ZNF462: variants seen among roughly 807,000 people sequenced by gnomAD.
The protein encoded by ZNF462 is zinc finger protein 462, also known as zinc finger PBX1-interacting protein.
ZNF462 carries 10 observed loss-of-function variants against 201.9 expected under a neutral mutation model. The observed-to-expected ratio is 0.05, with a 90% confidence interval of 0.03 to 0.08. The LOEUF (loss-of-function observed/expected upper bound fraction) is 0.08. ZNF462 is among the 10% of genes least tolerant of loss of function. The probability of loss-of-function intolerance (pLI) is 1.00; values close to 1 mark genes in which losing one functional copy is unlikely to be tolerated. For synonymous variants in ZNF462, 1,227 were observed against 1,193.3 expected (o/e 1.03, Z -0.58); for missense variants, 2,523 against 3,168.3 (o/e 0.80, Z 4.89).
At chr9:106,987,944 T>C (rs1436996403) in intron 10 of ZNF462, among the ~76,000 whole-genome samples, 2 of 152,188 alleles carry the variant, frequency 1.3e-5, no homozygotes, top group Admixed American at 1.3e-4. Context: ...TCATGTTTTG[T>C]TTGCTTTGCC....
chr9:106,887,169 G>A (rs1828357827), intron 1 of ZNF462, among the ~76,000 whole-genome samples: 1 of 152,188 alleles, frequency 6.6e-6, no homozygotes. Flanking sequence ...TTGAACGAAT[G>A]ATAAGGTTTT....
chr9:107,002,084 A>G (rs1328754807), intron 10 of ZNF462, among the ~76,000 whole-genome samples: 2 of 152,166 alleles, frequency 1.3e-5, no homozygotes, highest in East Asian at 3.9e-4. Context: ...GGTGGCATTC[A>G]GCAAATCTTT....
Position 106,925,112 on chromosome 9 carries a change from T to C in ZNF462, c.1200T>C (p.Gly400=). Residue 400 remains glycine, a synonymous_variant, in exon 3 of 13, where the codon GGT becomes GGC. Transcript: ENST00000277225. The surrounding 1 kb of genome is among the most constrained non-coding windows in gnomAD (Gnocchi z 7.9). ...TAAATGAAATAGACAGTGAGAATGG[T>C]TTAAGTGCTATGGATCACCAGACAT... is the stretch of plus-strand genomic sequence containing the variant. ...EELNEIDSEN[G]LSAMDHQTSG... is the part of the protein sequence containing the mutation. 1 of 1,614,074 alleles carries C rather than the reference T, an allele frequency of 6.2e-7. No homozygotes were observed. The highest frequency in any genetic ancestry group is 8.5e-7 in the Non-Finnish European group (1 of 1,180,022).
chr9:106,929,890 CAATT>C lies in ZNF462; in HGVS notation c.5847+134_5847+137del. On this transcript the variant is annotated intron_variant, in intron 3 of 12. Transcript: ENST00000277225. This position sits in a 1 kb window ranked among gnomAD's most constrained non-coding sequence, Gnocchi z 8.7. The stretch of plus-strand genomic sequence containing the variant: ...TAGCTTGCCAGAGAGCTCAATAAGT[CAATT>C]AAACATTTCGAGCTTGATTATCTCC... 2 of 780,358 alleles carry C rather than the reference CAATT, an allele frequency of 2.6e-6. No individual in the cohort carries two copies. The highest frequency in any genetic ancestry group is 1.8e-5 in the South Asian group (1 of 54,872). The allele number at this position is 780,358 out of a possible 1,614,324, so 48.3% of individuals were successfully genotyped here.
chr9:106,881,136 C>T (rs1295027911), intron 1 of ZNF462, among the ~76,000 whole-genome samples: 1 of 152,150 alleles, frequency 6.6e-6, no homozygotes, highest in Non-Finnish European at 1.5e-5. Context: ...TGCTTCGTAT[C>T]TTAGGAACTG....
chr9:106,924,676 G>A lies in ZNF462; in HGVS notation c.764G>A (p.Arg255Gln), dbSNP rs1424148388. The change falls in exon 3 of 13, where the codon CGA (arginine) becomes CAA (glutamine). Residue 255 changes from arginine to glutamine, a missense_variant. This residue lies in a region of ZNF462 where 480 missense variants were observed against 544.4 expected (regional missense o/e 0.88). Coordinates refer to ENST00000277225, the MANE Select transcript of ZNF462 (RefSeq NM_021224.6). This position sits in a 1 kb window ranked among gnomAD's most constrained non-coding sequence, Gnocchi z 6.2. ...CEWCSYQTPR[R>Q]ERWCDHMMKK... is the part of the protein sequence containing the mutation. ...TGGTGCAGCTACCAGACCCCCCGCC[G>A]AGAACGCTGGTGTGACCACATGATG... The A allele has an allele frequency of 1.2e-6, 2 of 1,614,144 alleles. No individual in the cohort carries two copies. Among genetic ancestry groups the A allele is most frequent in the Non-Finnish European group, 1.7e-6 (2 of 1,180,026 alleles).
chr9:106,898,984 A>T (rs952220027), intron 1 of ZNF462, among the ~76,000 whole-genome samples: 1 of 152,150 alleles, frequency 6.6e-6, no homozygotes, highest in Admixed American at 6.5e-5. Flanking sequence ...AACTATGCCA[A>T]ATGCTTTATG....
intron 7 of ZNF462, among the ~76,000 whole-genome samples, chr9:106,965,354 T>A: frequency 7.5e-6 from 1 of 133,800 alleles, no homozygotes; most frequent in Non-Finnish European, 1.5e-5. Flanking sequence ...TAATCATATA[T>A]GAGTAATGAT....
At chr9:106,956,787 C>T (rs987213540) in intron 7 of ZNF462, among the ~76,000 whole-genome samples, 1 of 152,168 alleles carries the variant, frequency 6.6e-6, no homozygotes, top group African/African-American at 2.4e-5. Flanking sequence ...TTTTCTGAAA[C>T]CTTATAAACC....
rs182081805 is a variant in ZNF462, at chr9:106,905,970, G to T, written c.-30-17384G>T. Among the ~76,000 whole-genome samples, 4 of 152,270 alleles carry T rather than the reference G, an allele frequency of 2.6e-5. No individual in the cohort carries two copies. The East Asian group carries it at 7.7e-4, about 29-fold the overall frequency. On this transcript the variant is annotated intron_variant, in intron 1 of 12. Coordinates refer to ENST00000277225, the MANE Select transcript of ZNF462 (RefSeq NM_021224.6). This position sits in a 1 kb window ranked among gnomAD's most constrained non-coding sequence, Gnocchi z 5.9. ...AGCTACAGAGTTCCTTCTCCCTGTG[G>T]AGTTTTACCCCCTGCTCCTCTGGCC...
rs1304552228 is a variant in ZNF462 at position 106,954,814 on chromosome 9, T to G, written c.6427+15707T>G. ...CTGTGCCCTACCTCTCTTAAGAACATGTAGTTCAGTCTACTGACTCCATAA... is the reference window on the plus strand; with the variant it reads ...CTGTGCCCTACCTCTCTTAAGAACAGGTAGTTCAGTCTACTGACTCCATAA... On this transcript the variant is annotated intron_variant, in intron 7 of 12. Coordinates refer to ENST00000277225, the MANE Select transcript of ZNF462 (RefSeq NM_021224.6). This position sits in a 1 kb window ranked among gnomAD's most constrained non-coding sequence, Gnocchi z 4.0. Among the ~76,000 whole-genome samples, 1 of 152,160 alleles carries G rather than the reference T, an allele frequency of 6.6e-6. No individual in the cohort carries two copies. Among genetic ancestry groups the G allele is most frequent in the African/African-American group, 2.4e-5 (1 of 41,434 alleles).
intron 1 of ZNF462, among the ~76,000 whole-genome samples, chr9:106,897,972 T>C (rs1411672772): frequency 1.3e-5 from 2 of 152,224 alleles, no homozygotes; most frequent in Non-Finnish European, 2.9e-5. Flanking sequence ...CATACAGCCT[T>C]GCAGTTCCTC....
chr9:106,863,400 T>C (rs1189347978), intron 1 of ZNF462, 45 bp downstream of exon 1: 2 of 391,354 alleles, frequency 5.1e-6, no homozygotes, highest in Non-Finnish European at 9.0e-6. Context: ...GTCCGAGTGC[T>C]CCGGGGAAGA....
Position 106,923,262 on chromosome 9 carries a change from A to G in ZNF462, c.-30-92A>G. Reference sequence around the variant, plus strand: ...ATAAGAGAAATCTACTGATACTGGAATTTTTTCCCATTAATGGATATATAG... The same window carrying G: ...ATAAGAGAAATCTACTGATACTGGAGTTTTTTCCCATTAATGGATATATAG... On this transcript the variant is annotated intron_variant, in intron 1 of 12. Coordinates refer to ENST00000277225, the MANE Select transcript of ZNF462 (RefSeq NM_021224.6). This position sits in a 1 kb window ranked among gnomAD's most constrained non-coding sequence, Gnocchi z 5.6. 1 of 923,408 alleles carries G rather than the reference A, an allele frequency of 1.1e-6. No individual in the cohort carries two copies. The highest frequency in any genetic ancestry group is 2.2e-5 in the Admixed American group (1 of 45,368). 57.2% of individuals were successfully genotyped at this position (923,408 alleles called of 1,614,324 possible).
At chr9:106,995,086 AG>A (rs1466244334) in intron 10 of ZNF462, among the ~76,000 whole-genome samples, 53 of 152,252 alleles carry the variant, frequency 3.5e-4, no homozygotes, top group African/African-American at 1.2e-3. Context: ...TGGGTCCAGG[AG>A]ATTGACAGCT....
intron 1 of ZNF462, among the ~76,000 whole-genome samples, chr9:106,918,736 T>TA (rs1188565594): frequency 1.3e-5 from 2 of 152,170 alleles, no homozygotes; most frequent in Non-Finnish European, 2.9e-5. Context: ...GATCTGCAAA[T>TA]ACATTTTTTA....
rs1307264470 is a variant in ZNF462, at chr9:107,013,432, A to G, written c.*2402A>G. 1 of 152,220 alleles carries G rather than the reference A, an allele frequency of 6.6e-6. No individual in the cohort carries two copies. The highest frequency in any genetic ancestry group is 1.5e-5 in the Non-Finnish European group (1 of 68,038). 9.4% of individuals were successfully genotyped at this position (152,220 alleles called of 1,614,324 possible). ...TTCAGAGCTTGAGAGAAGAAAATAA[A>G]TAGCAAAATGATAACCTATTGACTC... On this transcript the variant is annotated 3_prime_UTR_variant, in exon 13 of 13. Transcript: ENST00000277225.
chr9:106,996,283 C>G (rs1036507191), intron 10 of ZNF462, among the ~76,000 whole-genome samples: 4 of 152,142 alleles, frequency 2.6e-5, no homozygotes, highest in Admixed American at 1.3e-4. Context: ...CATACGTGTG[C>G]ATGTGTCTTT....
In ZNF462 at chr9:106,886,108, T is replaced by C. The variant is rs1196154755; in HGVS notation, c.-31+22753T>C. Among the ~76,000 whole-genome samples the C allele has an allele frequency of 1.3e-5, 2 of 152,326 alleles. No homozygotes were observed. Among genetic ancestry groups the C allele is most frequent in the African/African-American group, 4.8e-5 (2 of 41,580 alleles). ...TAAATAATAATCAAGAGGTAACTCA[T>C]ACCCAAGAAGTGGGTTTGTTGGCCT... On this transcript the variant is annotated intron_variant, in intron 1 of 12. Transcript: ENST00000277225. This position sits in a 1 kb window ranked among gnomAD's most constrained non-coding sequence, Gnocchi z 4.6.
Sources: gnomAD v4.1 joint callset for allele counts (sites outside exome capture counted in the v4.1 genomes callset) on GRCh38, gnomAD v4.1.1 for gene constraint, gnomAD v4.1.1 regional missense constraint, Gnocchi (gnomAD v3.1) non-coding constraint, MANE v1.5 for transcripts, NCBI Gene and HGNC (gene_info 2026-07-23, HGNC 2026-07-21) for gene names.